The following IMPG1 variants were observed in gnomAD, a reference collection of about 807,000 sequenced individuals.
IMPG1 encodes interphotoreceptor matrix proteoglycan 1.
A neutral mutation model predicts 92.0 loss-of-function variants in IMPG1; 85 were observed. The observed-to-expected ratio is 0.92, with a 90% confidence interval of 0.78 to 1.11. IMPG1 has a LOEUF of 1.11. Ranked by LOEUF, IMPG1 falls within the 50% of genes least tolerant of loss-of-function variation. The pLI is 0.00. For synonymous variants in IMPG1, 367 were observed against 334.1 expected (o/e 1.10, Z -1.08); for missense variants, 1,022 against 956.0 (o/e 1.07, Z -0.91).
intron 12 of IMPG1, among the ~76,000 whole-genome samples, chr6:75,982,520 T>C (rs1265782080): frequency 6.7e-6 from 1 of 148,922 alleles, no homozygotes; most frequent in African/African-American, 2.5e-5. Flanking sequence ...AGCGAGACTC[T>C]ATCTTAAAAA....
At chr6:75,930,377 A>G (rs947211890) in intron 15 of IMPG1, among the ~76,000 whole-genome samples, 3 of 152,266 alleles carry the variant, frequency 2.0e-5, no homozygotes, top group African/African-American at 7.2e-5. Context: ...TTATAAATCA[A>G]TTGTACATAA....
intron 1 of IMPG1, among the ~76,000 whole-genome samples, chr6:76,047,323 A>G (rs1030584015): frequency 6.6e-6 from 1 of 152,036 alleles, no homozygotes; most frequent in African/African-American, 2.4e-5. Context: ...TACATTCTCC[A>G]CTATGCTTTC....
At chr6:76,012,196 G>C (rs911427766) in intron 7 of IMPG1, among the ~76,000 whole-genome samples, 12 of 152,072 alleles carry the variant, frequency 7.9e-5, no homozygotes, top group Non-Finnish European at 1.2e-4. Context: ...AATGAGGCCT[G>C]TTATAATATT....
chr6:76,025,452 A>G (rs1783508510), intron 4 of IMPG1, among the ~76,000 whole-genome samples, 194 bp from the exon 5 acceptor site: 1 of 151,816 alleles, frequency 6.6e-6, no homozygotes, highest in South Asian at 2.1e-4. Flanking sequence ...AATGCAAAAA[A>G]CTCTCCAAAA....
intron 1 of IMPG1, among the ~76,000 whole-genome samples, chr6:76,064,708 G>A (rs566988902): frequency 6.6e-6 from 1 of 152,280 alleles, no homozygotes; most frequent in Non-Finnish European, 1.5e-5. Context: ...CCATAGATCA[G>A]CCCATTGCCT....
chr6:76,051,098 T>C (rs1486670889), intron 1 of IMPG1, among the ~76,000 whole-genome samples: 1 of 152,044 alleles, frequency 6.6e-6, no homozygotes, highest in Non-Finnish European at 1.5e-5. Flanking sequence ...ACCAATTCAA[T>C]GACTGGAAGT....
At chr6:75,969,796 T>C (rs1782374399) in intron 12 of IMPG1, among the ~76,000 whole-genome samples, 1 of 151,784 alleles carries the variant, frequency 6.6e-6, no homozygotes, top group African/African-American at 2.4e-5. Flanking sequence ...TTGGAAAAAA[T>C]ATGAAATTTC....
rs746259028 is a variant in IMPG1 at position 75,931,117 on chromosome 6, G to A, written c.2079C>T (p.Cys693=). 10 of 1,613,688 alleles carry A rather than the reference G, an allele frequency of 6.2e-6. No individual in the cohort carries two copies. The highest frequency in any genetic ancestry group is 7.6e-6 in the Non-Finnish European group (9 of 1,179,774). Residue 693 remains cysteine, a synonymous_variant, in exon 15 of 17, where the codon TGC becomes TGT. Transcript: ENST00000369950. ...DQADPCKFLA[C]GEFAQCVKNE... is the part of the protein sequence containing the mutation. ...TCTTTACACATTGGGCAAATTCGCC[G>A]CAGGCCAGGAACTTGCAGGGATCTG...
rs533976980 is a variant in IMPG1 at position 76,052,050 on chromosome 6, A to G, written c.68-9924T>C. 2.0e-5 allele frequency among the ~76,000 whole-genome samples: 3 copies of G among 152,146 alleles called. No individual in the cohort carries two copies. In the South Asian group the frequency reaches 6.2e-4, roughly 32 times the overall value. The stretch of plus-strand genomic sequence containing the variant: ...GGCATGCTGAGTTACAAACATAGGC[A>G]CTTCTTGCTGAGGGCCTATGCAGTG... On this transcript the variant is annotated intron_variant, in intron 1 of 16. Transcript: ENST00000369950.
chr6:75,947,019 A>C (rs1252359136), intron 14 of IMPG1, among the ~76,000 whole-genome samples: 3 of 152,106 alleles, frequency 2.0e-5, no homozygotes, highest in Admixed American at 2.0e-4. Context: ...ATTAAAAAAA[A>C]CTCTTAAACA....
chr6:76,030,123 T>C lies in IMPG1; in HGVS notation c.497+4192A>G, dbSNP rs188304629. The stretch of plus-strand genomic sequence containing the variant: ...TGGATAAAGGGCATGTTAATATCTA[T>C]GGTATAAATGAGGTCTAGGGAATTC... On this transcript the variant is annotated intron_variant, in intron 4 of 16. Coordinates refer to ENST00000369950, the MANE Select transcript of IMPG1 (RefSeq NM_001563.4). 1.6e-3 allele frequency among the ~76,000 whole-genome samples: 249 copies of C among 152,264 alleles called. 1 individual carries two copies. The highest frequency in any genetic ancestry group is 2.9e-3 in the Admixed American group (45 of 15,282).
At chr6:76,029,340 A>C (rs1185595533) in intron 4 of IMPG1, among the ~76,000 whole-genome samples, 1 of 152,250 alleles carries the variant, frequency 6.6e-6, no homozygotes, top group Non-Finnish European at 1.5e-5. Context: ...CAAAAGGCTT[A>C]TGTAGAAATA....
intron 1 of IMPG1, among the ~76,000 whole-genome samples, chr6:76,066,346 A>T (rs1425630551): frequency 6.6e-6 from 1 of 152,100 alleles, no homozygotes; most frequent in Non-Finnish European, 1.5e-5. Flanking sequence ...ACACTCATAG[A>T]CTGAAGCTAA....
chr6:76,028,515 A>G (rs1208224026), intron 4 of IMPG1, among the ~76,000 whole-genome samples: 1 of 152,228 alleles, frequency 6.6e-6, no homozygotes, highest in Non-Finnish European at 1.5e-5. Context: ...AAGGAAACTT[A>G]TTTTGAACTA....
chr6:76,029,463 G>T lies in IMPG1; in HGVS notation c.498-4205C>A, dbSNP rs887176740. Among the ~76,000 whole-genome samples, 7 of 152,236 alleles carry T rather than the reference G, an allele frequency of 4.6e-5. 1 individual carries two copies. The highest frequency in any genetic ancestry group is 4.1e-4 in the South Asian group (2 of 4,830). On this transcript the variant is annotated intron_variant, in intron 4 of 16. Transcript: ENST00000369950. ...GTTTTTAACAAAAATGAGGACTGGA[G>T]AGAGGGAAATTATGTTTCAAAACTT...
In IMPG1 at chr6:76,043,563, C is replaced by T. The variant is rs145509266; in HGVS notation, c.68-1437G>A. On this transcript the variant is annotated intron_variant, in intron 1 of 16. Coordinates refer to ENST00000369950, the MANE Select transcript of IMPG1 (RefSeq NM_001563.4). ...TTTATAGATTAATTGGCTCACCCAG[C>T]GACACACTAGACCCATAAATCATAA... is the stretch of plus-strand genomic sequence containing the variant. Among the ~76,000 whole-genome samples the T allele has an allele frequency of 6.6e-5, 10 of 152,190 alleles. No homozygotes were observed. In the East Asian group the frequency reaches 1.5e-3, roughly 24 times the overall value.
At chr6:75,933,720 G>A (rs1781697863) in intron 14 of IMPG1, among the ~76,000 whole-genome samples, 1 of 152,202 alleles carries the variant, frequency 6.6e-6, no homozygotes, top group South Asian at 2.1e-4. Flanking sequence ...CCTGTCCCTG[G>A]AGTGACCCTG....
chr6:75,936,712 G>T (rs1781752294), intron 14 of IMPG1, among the ~76,000 whole-genome samples: 3 of 152,302 alleles, frequency 2.0e-5, no homozygotes, highest in African/African-American at 7.2e-5. Context: ...TCAGCTTTCA[G>T]CCATTATTAT....
intron 8 of IMPG1, 115 bp downstream of exon 8, chr6:76,011,051 G>A: frequency 3.3e-6 from 2 of 612,656 alleles, no homozygotes; most frequent in South Asian, 4.2e-5. Flanking sequence ...TCCAGGATTT[G>A]GCAGAGCTAA....
Sources: allele counts gnomAD v4.1 joint callset (sites outside exome capture counted in the v4.1 genomes callset), GRCh38; gene constraint gnomAD v4.1.1; transcripts MANE v1.5; gene names NCBI Gene and HGNC (gene_info 2026-07-23, HGNC 2026-07-21).